PDE4B: variants seen among roughly 807,000 people sequenced by gnomAD.
The protein encoded by PDE4B is phosphodiesterase 4B.
Under a neutral mutation model 82.2 loss-of-function variants are expected in PDE4B, and 20 were observed. That is an observed-to-expected ratio of 0.24 (90% CI 0.17 to 0.35). PDE4B has a LOEUF of 0.35. Ranked by LOEUF, PDE4B falls within the 10% of genes least tolerant of loss-of-function variation. The pLI is 1.00. For synonymous variants in PDE4B, 320 were observed against 318.9 expected, an observed-to-expected ratio of 1.00 and a Z score of -0.04; for missense variants, 655 against 907.2, an observed-to-expected ratio of 0.72 and a Z score of 3.57.
Position 65,882,265 on chromosome 1 carries a change from A to G in PDE4B, c.-70-30980A>G, listed in dbSNP as rs184002334. ...TGTGCATCTGTTGCTGACTTTAAAA[A>G]CGCAATTACTAAACTGAAGCTGTTT... is the stretch of plus-strand genomic sequence containing the variant. On this transcript the variant is annotated intron_variant, in intron 1 of 16. Coordinates refer to ENST00000341517, the MANE Select transcript of PDE4B (RefSeq NM_002600.4). 1.9e-4 allele frequency among the ~76,000 whole-genome samples: 29 copies of G among 152,274 alleles called. No homozygotes were observed. The East Asian group carries it at 5.4e-3, about 28-fold the overall frequency.
chr1:66,246,800 A>G (rs1158731697), intron 3 of PDE4B, among the ~76,000 whole-genome samples: 2 of 152,212 alleles, frequency 1.3e-5, no homozygotes, highest in African/African-American at 4.8e-5. Context: ...ATCCTCCCCC[A>G]GAGACAAAGC....
intron 3 of PDE4B, among the ~76,000 whole-genome samples, chr1:66,012,741 C>T (rs1471463659): frequency 6.6e-6 from 1 of 152,068 alleles, no homozygotes; most frequent in Non-Finnish European, 1.5e-5. Flanking sequence ...TCTCCTTTTG[C>T]CATGTTAAAT....
intron 3 of PDE4B, among the ~76,000 whole-genome samples, chr1:65,926,482 G>A (rs1647508491): frequency 6.6e-6 from 1 of 152,018 alleles, no homozygotes; most frequent in Middle Eastern, 3.2e-3. Context: ...GGGCCTACTG[G>A]GACCTATTTC....
At chr1:66,173,211 A>G (rs1646871263) in intron 3 of PDE4B, among the ~76,000 whole-genome samples, 1 of 152,224 alleles carries the variant, frequency 6.6e-6, no homozygotes, top group African/African-American at 2.4e-5. Flanking sequence ...CTGGAGAATA[A>G]CTATTGATGT....
At chr1:66,095,183 A>G (rs962180800) in intron 3 of PDE4B, among the ~76,000 whole-genome samples, 79 of 152,084 alleles carry the variant, frequency 5.2e-4, no homozygotes, top group African/African-American at 1.7e-3. Flanking sequence ...TAGAGTGTAC[A>G]TAGACTTTTT....
At chr1:65,891,226 T>C (rs1237787832) in intron 1 of PDE4B, among the ~76,000 whole-genome samples, 1 of 152,154 alleles carries the variant, frequency 6.6e-6, no homozygotes, top group Non-Finnish European at 1.5e-5. Flanking sequence ...AATTAATTAG[T>C]TAATTCAGCA....
At chr1:66,364,023 G>T (rs755164777) in intron 12 of PDE4B, among the ~76,000 whole-genome samples, 1 of 152,022 alleles carries the variant, frequency 6.6e-6, no homozygotes, top group Non-Finnish European at 1.5e-5. Context: ...TTTCAGGGCA[G>T]GAATCATGTC....
chr1:66,359,343 A>G (rs1392692393), intron 9 of PDE4B, among the ~76,000 whole-genome samples: 1 of 152,218 alleles, frequency 6.6e-6, no homozygotes, highest in East Asian at 1.9e-4. Context: ...CTGTTTGCTC[A>G]CTGTATTCTG....
At chr1:66,099,769 CAAAAAATAAACTG>C (rs993267283) in intron 3 of PDE4B, among the ~76,000 whole-genome samples, 5 of 151,910 alleles carry the variant, frequency 3.3e-5, no homozygotes, top group African/African-American at 1.2e-4. Flanking sequence ...AGGTGGGCGC[CAAAAAATAAACTG>C]ACAGAGATGT....
At chr1:65,947,981 TATATA>T (rs1648796712) in intron 3 of PDE4B, among the ~76,000 whole-genome samples, 2 of 148,234 alleles carry the variant, frequency 1.3e-5, no homozygotes, top group Admixed American at 6.8e-5. Context: ...ATATATACTA[TATATA>T]ATATATGCAT....
intron 1 of PDE4B, among the ~76,000 whole-genome samples, chr1:65,802,131 C>T (rs939833310): frequency 1.3e-5 from 2 of 152,080 alleles, no homozygotes; most frequent in African/African-American, 4.8e-5. Flanking sequence ...TTGGGAGTAA[C>T]CAATAATTTG....
chr1:66,218,643 C>T (rs1462463968), intron 3 of PDE4B, among the ~76,000 whole-genome samples: 2 of 152,128 alleles, frequency 1.3e-5, no homozygotes, highest in African/African-American at 4.8e-5. Context: ...CTTTCCATGA[C>T]CCCTCTGGGA....
At chr1:65,864,086 C>T (rs1419319465) in intron 1 of PDE4B, among the ~76,000 whole-genome samples, 2 of 151,814 alleles carry the variant, frequency 1.3e-5, no homozygotes, top group African/African-American at 2.4e-5. Context: ...GTAATCTTGT[C>T]TTTATACCTT....
intron 3 of PDE4B, among the ~76,000 whole-genome samples, chr1:66,171,012 T>G (rs183129842): frequency 6.6e-6 from 1 of 152,308 alleles, no homozygotes; most frequent in Non-Finnish European, 1.5e-5. Flanking sequence ...ATAATTTTTG[T>G]GTGCAGTGCC....
chr1:66,181,039 G>A (rs1435622783), intron 3 of PDE4B, among the ~76,000 whole-genome samples: 1 of 152,160 alleles, frequency 6.6e-6, no homozygotes. Context: ...ATGAAGCTGG[G>A]TACAAATCTG....
intron 1 of PDE4B, among the ~76,000 whole-genome samples, chr1:65,844,247 G>C (rs1020328384): frequency 1.3e-5 from 2 of 152,170 alleles, no homozygotes; most frequent in African/African-American, 4.8e-5. Context: ...ATTGTACTGG[G>C]TGCTGTACTG....
At chr1:66,331,629 G>T (rs989127211) in intron 7 of PDE4B, 27 of 367,428 alleles carry the variant, frequency 7.3e-5, no homozygotes, top group Non-Finnish European at 9.8e-5. Context: ...GCAACAAATT[G>T]GAGCCCCCAG....
At chr1:65,999,524 C>T (rs539734801) in intron 3 of PDE4B, among the ~76,000 whole-genome samples, 2 of 152,246 alleles carry the variant, frequency 1.3e-5, no homozygotes, top group East Asian at 3.9e-4. Context: ...TCCTTATGTC[C>T]ATTCAGGATT....
intron 3 of PDE4B, among the ~76,000 whole-genome samples, chr1:66,118,935 T>C (rs1645653677): frequency 1.3e-5 from 2 of 152,212 alleles, no homozygotes; most frequent in Admixed American, 1.3e-4. Flanking sequence ...GAAGAAGCCT[T>C]CCTGGATTCT....
Sources: gnomAD v4.1 joint callset for allele counts (sites outside exome capture counted in the v4.1 genomes callset) on GRCh38, gnomAD v4.1.1 for gene constraint, MANE v1.5 for transcripts, NCBI Gene and HGNC (gene_info 2026-07-23, HGNC 2026-07-21) for gene names.